Variants in IMMP2L observed in about 807,000 individuals in gnomAD.
IMMP2L encodes the protein mitochondrial inner membrane protease subunit 2.
In IMMP2L, 18 loss-of-function variants were observed where a neutral mutation model predicts 19.3. That is an observed-to-expected ratio of 0.93 (90% CI 0.64 to 1.38). IMMP2L has a LOEUF of 1.38. Ranked by LOEUF, IMMP2L falls within the 40% of genes most tolerant of loss-of-function variation. The probability of loss-of-function intolerance (pLI) is 0.00; values close to 1 mark genes in which losing one functional copy is unlikely to be tolerated. For missense variants in IMMP2L, 233 were observed against 218.2 expected (o/e 1.07, Z -0.43); for synonymous variants, 76 against 73.0 (o/e 1.04, Z -0.21).
At chr7:110,781,519 T>A (rs1323669248) in intron 5 of IMMP2L, among the ~76,000 whole-genome samples, 1 of 151,900 alleles carries the variant, frequency 6.6e-6, no homozygotes, top group African/African-American at 2.4e-5. Flanking sequence ...TCATCAAATA[T>A]CTACTCAATA....
At chr7:111,339,810 A>G (rs1300997604) in intron 3 of IMMP2L, among the ~76,000 whole-genome samples, 1 of 152,032 alleles carries the variant, frequency 6.6e-6, no homozygotes, top group African/African-American at 2.4e-5. Flanking sequence ...GCCTTCTGTA[A>G]TATATCAAAA....
intron 3 of IMMP2L, among the ~76,000 whole-genome samples, chr7:111,397,259 T>C (rs2131377214): frequency 6.6e-6 from 1 of 152,266 alleles, no homozygotes; most frequent in South Asian, 2.1e-4. Context: ...GCTTTTTTGT[T>C]TGACAATATT....
intron 5 of IMMP2L, among the ~76,000 whole-genome samples, chr7:110,830,864 A>T (rs576372582): frequency 6.6e-6 from 1 of 152,276 alleles, no homozygotes; most frequent in East Asian, 1.9e-4. Context: ...TATTGCTACC[A>T]TTACAGTATA....
chr7:110,686,542 C>A (rs1345070269), intron 5 of IMMP2L, among the ~76,000 whole-genome samples: 2 of 151,986 alleles, frequency 1.3e-5, no homozygotes, highest in Non-Finnish European at 2.9e-5. Flanking sequence ...GGTATCACAC[C>A]AGATCATATT....
chr7:111,316,031 C>T (rs555787931), intron 3 of IMMP2L, among the ~76,000 whole-genome samples: 6 of 152,246 alleles, frequency 3.9e-5, no homozygotes, highest in African/African-American at 1.4e-4. Context: ...GGCTCCTAGA[C>T]TACAATCCTG....
rs147049406 is a variant in IMMP2L, at chr7:110,740,627, T to C, written c.409-76906A>G. On this transcript the variant is annotated intron_variant, in intron 5 of 5. Coordinates refer to ENST00000405709, the MANE Select transcript of IMMP2L (RefSeq NM_032549.4). ...ACCAGATGGATTCACAGCTGAATTC[T>C]ATCAGACATTCAAAGAAGTCTTGGT... 5.3e-3 allele frequency among the ~76,000 whole-genome samples: 807 copies of C among 152,274 alleles called. 5 individuals are homozygous for C. Among genetic ancestry groups the C allele is most frequent in the African/African-American group, 0.018 (767 of 41,554 alleles).
chr7:111,169,099 A>G (rs117504989), intron 3 of IMMP2L, among the ~76,000 whole-genome samples: 1,721 of 152,088 alleles, frequency 0.011, 17 homozygotes, highest in South Asian at 0.027. Flanking sequence ...TGTAGTTTTT[A>G]AAAGTAACGC....
chr7:111,012,877 G>A (rs577559975), intron 3 of IMMP2L, among the ~76,000 whole-genome samples: 3 of 152,212 alleles, frequency 2.0e-5, no homozygotes, highest in South Asian at 2.1e-4. Flanking sequence ...AGAAAATAAC[G>A]AACATCCTAA....
intron 1 of IMMP2L, among the ~76,000 whole-genome samples, chr7:111,552,928 G>A (rs1563349651): frequency 6.6e-6 from 1 of 152,102 alleles, no homozygotes; most frequent in Non-Finnish European, 1.5e-5. Context: ...AGCCCATTGT[G>A]GAAAGGAACC....
At chr7:111,444,535 T>C (rs557438734) in intron 3 of IMMP2L, among the ~76,000 whole-genome samples, 1 of 152,294 alleles carries the variant, frequency 6.6e-6, no homozygotes, top group African/African-American at 2.4e-5. Flanking sequence ...CGTCTAGCAT[T>C]GTTAAGTGCC....
At chr7:110,759,402 T>C (rs1281198737) in intron 5 of IMMP2L, among the ~76,000 whole-genome samples, 1 of 152,136 alleles carries the variant, frequency 6.6e-6, no homozygotes. Flanking sequence ...AATTTAAATA[T>C]AAATTTCTGA....
At chr7:111,476,904 G>C (rs778904311) in intron 3 of IMMP2L, among the ~76,000 whole-genome samples, 2 of 152,072 alleles carry the variant, frequency 1.3e-5, no homozygotes, top group Non-Finnish European at 2.9e-5. Context: ...GGATAATCCA[G>C]GATAACCTTT....
At chr7:111,298,627 G>T (rs1821877089) in intron 3 of IMMP2L, among the ~76,000 whole-genome samples, 1 of 151,802 alleles carries the variant, frequency 6.6e-6, no homozygotes. Flanking sequence ...ATGGTGGCAG[G>T]TGCCTGTAGT....
At chr7:111,532,677 G>A (rs1847510613) in intron 1 of IMMP2L, 1 of 152,232 alleles carries the variant, frequency 6.6e-6, no homozygotes, top group South Asian at 2.1e-4. Context: ...AGCTAGCCCA[G>A]GGACTATTAC....
At chr7:110,876,133 T>A (rs1809041692) in intron 5 of IMMP2L, among the ~76,000 whole-genome samples, 1 of 152,178 alleles carries the variant, frequency 6.6e-6, no homozygotes, top group Non-Finnish European at 1.5e-5. Context: ...TTGAAAAATA[T>A]ATATTTGTGT....
intron 3 of IMMP2L, among the ~76,000 whole-genome samples, chr7:111,024,103 A>T (rs910195687): frequency 6.6e-6 from 1 of 152,242 alleles, no homozygotes. Flanking sequence ...TCATATGAAG[A>T]AACTGAAATA....
intron 3 of IMMP2L, among the ~76,000 whole-genome samples, chr7:111,142,367 A>G (rs1401155763): frequency 2.7e-5 from 4 of 148,216 alleles, no homozygotes; most frequent in Non-Finnish European, 4.5e-5. Flanking sequence ...AAAGAAAGAA[A>G]GAATAGAAAA....
At chr7:111,295,354 T>G (rs1435433917) in intron 3 of IMMP2L, among the ~76,000 whole-genome samples, 1 of 151,878 alleles carries the variant, frequency 6.6e-6, no homozygotes, top group South Asian at 2.1e-4. Context: ...GGGTGGTAAG[T>G]TGGCAAAACA....
rs571479225 is a variant in IMMP2L, at chr7:111,445,244, A to C, written c.239+41994T>G. 2.0e-5 allele frequency among the ~76,000 whole-genome samples: 3 copies of C among 152,196 alleles called. No individual in the cohort carries two copies. In the South Asian group the frequency reaches 6.2e-4, roughly 32 times the overall value. On this transcript the variant is annotated intron_variant, in intron 3 of 5. Transcript: ENST00000405709. Reference sequence around the variant, plus strand: ...TGCAGGACATTGTTTTGGGCAGACAAACTGTGGGGAGCCAAAAAAAAATGA... The same window carrying C: ...TGCAGGACATTGTTTTGGGCAGACACACTGTGGGGAGCCAAAAAAAAATGA...
Sources: gnomAD v4.1 joint callset for allele counts (sites outside exome capture counted in the v4.1 genomes callset) on GRCh38, gnomAD v4.1.1 for gene constraint, MANE v1.5 for transcripts, NCBI Gene and HGNC (gene_info 2026-07-23, HGNC 2026-07-21) for gene names.